CHD8: variants seen among roughly 807,000 people sequenced by gnomAD.
CHD8 encodes the protein ATP-dependent chromatin remodeler CHD8.
CHD8 carries 31 observed loss-of-function variants against 279.2 expected under a neutral mutation model. The observed-to-expected ratio is 0.11, with a 90% CI of 0.08 to 0.15. The LOEUF (loss-of-function observed/expected upper bound fraction) is 0.15, where lower values mean the gene tolerates loss of function less well. Ranked by LOEUF, CHD8 falls within the 10% of genes least tolerant of loss-of-function variation. CHD8 has a pLI of 1.00. For missense variants in CHD8, 2,146 were observed against 3,230.5 expected (o/e 0.66, Z 8.14); for synonymous variants, 1,081 against 1,139.6 (o/e 0.95, Z 1.04).
At chr14:21,419,453 C>T (rs564556023) in intron 5 of CHD8, among the ~76,000 whole-genome samples, 2 of 152,120 alleles carry the variant, frequency 1.3e-5, no homozygotes, top group Admixed American at 6.5e-5. Flanking sequence ...TCAGCTACTC[C>T]GGAGGCTGAG....
At chr14:21,391,671 C>CACAT in intron 35 of CHD8, 29 bp from the exon 36 acceptor site, 1 of 1,074,250 alleles carries the variant, frequency 9.3e-7, no homozygotes, top group Non-Finnish European at 1.3e-6. Flanking sequence ...CCCCCATGAG[C>CACAT]ACATACTCTT....
At chr14:21,454,741 A>G (rs1468156693) in intron 1 of CHD8, among the ~76,000 whole-genome samples, 1 of 152,192 alleles carries the variant, frequency 6.6e-6, no homozygotes, top group Non-Finnish European at 1.5e-5. Flanking sequence ...AGGTCTTCTT[A>G]CATGGAAAAT....
intron 5 of CHD8, 107 bp from the exon 6 acceptor site, chr14:21,416,014 A>T (rs1313421021): frequency 2.2e-6 from 2 of 900,988 alleles, no homozygotes; most frequent in African/African-American, 1.7e-5. Context: ...CAAAATTTTC[A>T]TGAAAAATCA....
intron 5 of CHD8, chr14:21,419,622 G>A (rs1003636364): frequency 1.1e-5 from 2 of 178,298 alleles, no homozygotes; most frequent in South Asian, 8.7e-5. Flanking sequence ...TGGAGACCAT[G>A]TCTAGGGACA....
chr14:21,439,061 A>C (rs1004105844), intron 1 of CHD8, among the ~76,000 whole-genome samples: 1 of 152,020 alleles, frequency 6.6e-6, no homozygotes, highest in Non-Finnish European at 1.5e-5. Flanking sequence ...CAGCAGGTGG[A>C]GGGTGCAGTG....
chr14:21,391,126 G>A, intron 36 of CHD8, 63 bp from the exon 37 acceptor site: 1 of 1,038,166 alleles, frequency 9.6e-7, no homozygotes, highest in Non-Finnish European at 1.5e-6. Context: ...AATTATTAAA[G>A]TACTAGTGTC....
chr14:21,413,636 C>T (rs1162774628), intron 9 of CHD8: 1 of 152,828 alleles, frequency 6.5e-6, no homozygotes, highest in Non-Finnish European at 1.5e-5. Context: ...TTCAAGTGAT[C>T]TGCCTGCCTT....
intron 10 of CHD8, among the ~76,000 whole-genome samples, chr14:21,410,923 A>G (rs994511688): frequency 6.6e-6 from 1 of 152,214 alleles, no homozygotes; most frequent in African/African-American, 2.4e-5. Flanking sequence ...TCCAGGTCAC[A>G]TATTTCCAGC....
chr14:21,408,974 G>A lies in CHD8; in HGVS notation c.2365-149C>T, dbSNP rs1196653927. 13 of 851,104 alleles carry A rather than the reference G, an allele frequency of 1.5e-5. No individual in the cohort carries two copies. The highest frequency in any genetic ancestry group is 3.4e-4 in the Middle Eastern group (1 of 2,954). 52.7% of individuals were successfully genotyped at this position (851,104 alleles called of 1,614,324 possible). On this transcript the variant is annotated intron_variant, in intron 11 of 37. Transcript: ENST00000646647. This position sits in a 1 kb window ranked among gnomAD's most constrained non-coding sequence, Gnocchi z 4.3. ...ATATTTAAATTTATGAGTTCATAAC[G>A]TTACTTTATGGGTCCATAATGATCA...
In CHD8 at chr14:21,385,880, A is replaced by T; in HGVS notation, c.7479T>A (p.His2493Gln). 1 of 1,550,808 alleles carries T rather than the reference A, an allele frequency of 6.4e-7. No individual in the cohort carries two copies. The highest frequency in any genetic ancestry group is 2.4e-5 in the East Asian group (1 of 40,950). The change falls in exon 38 of 38, where the codon CAT (histidine) becomes CAA (glutamine). Residue 2493 changes from histidine (H) to glutamine (Q), a missense_variant. Physicochemically the swap from His to Gln is conservative, Grantham distance 24. This residue lies in a region of CHD8 where 336 missense variants were observed against 392.9 expected (regional missense o/e 0.86). Transcript: ENST00000646647. ...GGGGGTGGGGGTGGTGGTGGTGGTG[A>T]TGAAGCATGGTGCTGGAGTCTACAT... ...SPHVDSSTML[H>Q]HHHHHPHPHH...
intron 26 of CHD8, 58 bp from the exon 27 acceptor site, chr14:21,398,010 CT>C (rs1416238940): frequency 4.1e-6 from 6 of 1,465,504 alleles, no homozygotes; most frequent in Non-Finnish European, 4.6e-6. Context: ...TTTATGCTTA[CT>C]TTATATGCTG....
chr14:21,454,973 C>T (rs1305902890), intron 1 of CHD8: 1 of 152,150 alleles, frequency 6.6e-6, no homozygotes, highest in African/African-American at 2.4e-5. Context: ...GTGCCCCACA[C>T]CAGATGACTT....
chr14:21,390,236 A>T (rs1275865237), intron 37 of CHD8, among the ~76,000 whole-genome samples: 1 of 152,132 alleles, frequency 6.6e-6, no homozygotes, highest in Non-Finnish European at 1.5e-5. Flanking sequence ...ACCATGTCTC[A>T]AAAAAACAGA....
chr14:21,390,546 G>A (rs1414667850), intron 37 of CHD8, among the ~76,000 whole-genome samples: 1 of 152,140 alleles, frequency 6.6e-6, no homozygotes, highest in African/African-American at 2.4e-5. Context: ...TTGGGAGGCC[G>A]AGGCGGGTGG....
At chr14:21,414,659 C>T (rs1888639494) in intron 8 of CHD8, 1 of 592,352 alleles carries the variant, frequency 1.7e-6, no homozygotes, top group East Asian at 2.8e-5. Context: ...GATCCATGGG[C>T]CATATTTTGA....
At position 21,393,158 on chromosome 14, in the gene CHD8, G is replaced by T. The variant is rs1273270725; in HGVS notation, c.6416C>A (p.Thr2139Asn). The T allele has an allele frequency of 1.2e-6, 2 of 1,613,940 alleles. No individual in the cohort carries two copies. Among genetic ancestry groups the T allele is most frequent in the East Asian group, 4.5e-5 (2 of 44,884 alleles). Reference protein sequence around the residue: ...GFPNEDGEQMTPELLLLQERQ... With the variant: ...GFPNEDGEQMNPELLLLQERQ... ...TTCCTGCAGTAGCAGAAGCTCAGGG[G>T]TCATTTGTTCTCCATCTTCATTTGG... is the stretch of plus-strand genomic sequence containing the variant. Residue 2139 changes from threonine (T) to asparagine (N), a missense_variant, in exon 33 of 38, where the codon ACC becomes AAC. Coordinates refer to ENST00000646647, the MANE Select transcript of CHD8 (RefSeq NM_001170629.2).
chr14:21,415,715 T>C lies in CHD8; in HGVS notation c.1899+10A>G. 6.2e-7 allele frequency: 1 copy of C among 1,613,754 alleles called. No homozygotes were observed. Among genetic ancestry groups the C allele is most frequent in the East Asian group, 2.2e-5 (1 of 44,884 alleles). On this transcript the variant is annotated intron_variant, in intron 6 of 37. Transcript: ENST00000646647. ...GCAATCCTCTGAAATCATTTGAGTTTACAGCTTACCACAAAGAACTGCATG... is the reference window on the plus strand; with the variant it reads ...GCAATCCTCTGAAATCATTTGAGTTCACAGCTTACCACAAAGAACTGCATG...
intron 5 of CHD8, chr14:21,416,255 T>TTCCATTTTTTGCTTTTTTGTC (rs1188702293): frequency 4.8e-5 from 9 of 186,380 alleles, no homozygotes; most frequent in Admixed American, 3.0e-4. Context: ...AAGATTTTGT[T>TTCCATTTTTTGCTTTTTTGTC]TCCATTTTTT....
At chr14:21,452,658 AAGAAAACTTC>A (rs1890284581) in intron 1 of CHD8, among the ~76,000 whole-genome samples, 1 of 151,854 alleles carries the variant, frequency 6.6e-6, no homozygotes, top group Non-Finnish European at 1.5e-5. Context: ...AAAAAAAAAA[AAGAAAACTTC>A]ATACAACAAT....
Sources: allele counts gnomAD v4.1 joint callset (sites outside exome capture counted in the v4.1 genomes callset), GRCh38; gene constraint gnomAD v4.1.1; regional missense constraint gnomAD v4.1.1; non-coding constraint Gnocchi (gnomAD v3.1); transcripts MANE v1.5; gene names NCBI Gene and HGNC (gene_info 2026-07-23, HGNC 2026-07-21).